Variants in SVOP observed in about 807,000 individuals in gnomAD.
The protein encoded by SVOP is synaptic vesicle 2-related protein.
In SVOP, 17 loss-of-function variants were observed where a neutral mutation model predicts 69.1. That is an observed-to-expected ratio of 0.25 (90% CI 0.17 to 0.37). The LOEUF is 0.37. SVOP is among the 10% of genes least tolerant of loss of function. The pLI is 1.00. For synonymous variants in SVOP, 238 were observed against 238.6 expected (o/e 1.00, Z 0.02); for missense variants, 435 against 597.5 (o/e 0.73, Z 2.84).
intron 1 of SVOP, among the ~76,000 whole-genome samples, chr12:108,986,618 G>T (rs2040167184): frequency 1.3e-5 from 2 of 152,068 alleles, no homozygotes; most frequent in Admixed American, 1.3e-4. Context: ...TTTAAAATAG[G>T]CAAAGGACTT....
chr12:108,927,390 A>G (rs1407379445), intron 11 of SVOP, among the ~76,000 whole-genome samples: 1 of 152,146 alleles, frequency 6.6e-6, no homozygotes, highest in Non-Finnish European at 1.5e-5. Flanking sequence ...TTAATTTTAT[A>G]TTTGTACGAG....
At chr12:109,011,810 C>G (rs116504066) in intron 1 of SVOP, among the ~76,000 whole-genome samples, 4 of 152,116 alleles carry the variant, frequency 2.6e-5, no homozygotes, top group African/African-American at 9.7e-5. Flanking sequence ...ACAACATGAA[C>G]GAACCTGGAG....
intron 6 of SVOP, among the ~76,000 whole-genome samples, chr12:108,955,093 G>T (rs2039977853): frequency 6.6e-6 from 1 of 152,222 alleles, no homozygotes. Context: ...AGAAGAAATA[G>T]AAAATGTCAC....
chr12:108,972,526 A>G, intron 4 of SVOP, 50 bp from the exon 5 acceptor site: 9 of 1,517,550 alleles, frequency 5.9e-6, no homozygotes, highest in Non-Finnish European at 7.1e-6. Flanking sequence ...GGATCATTGC[A>G]CAGAAAGGGA....
intron 7 of SVOP, among the ~76,000 whole-genome samples, chr12:108,941,163 G>T (rs1232251387): frequency 6.6e-6 from 1 of 152,168 alleles, no homozygotes; most frequent in Admixed American, 6.5e-5. Flanking sequence ...TGGCAGCTTT[G>T]GTTAAGGAGA....
At chr12:108,970,157 T>A (rs1221422184) in intron 5 of SVOP, among the ~76,000 whole-genome samples, 2 of 152,210 alleles carry the variant, frequency 1.3e-5, no homozygotes, top group African/African-American at 4.8e-5. Context: ...GGAGTCTGCA[T>A]CCTCTATGGC....
intron 6 of SVOP, among the ~76,000 whole-genome samples, chr12:108,946,012 T>A (rs2039920294): frequency 6.6e-6 from 1 of 152,224 alleles, no homozygotes; most frequent in Admixed American, 6.5e-5. Context: ...CTGTTCCCCA[T>A]AGAACCTCTA....
intron 1 of SVOP, among the ~76,000 whole-genome samples, chr12:108,994,477 T>C (rs1408310827): frequency 6.6e-6 from 1 of 152,052 alleles, no homozygotes; most frequent in Non-Finnish European, 1.5e-5. Flanking sequence ...CTGGGTGACA[T>C]GGTGAACTCT....
chr12:108,960,646 C>T (rs1347450479), intron 6 of SVOP, among the ~76,000 whole-genome samples: 2 of 152,150 alleles, frequency 1.3e-5, no homozygotes, highest in East Asian at 1.9e-4. Flanking sequence ...TGCTGCAATG[C>T]GTCCAAGTGG....
At chr12:108,918,004 A>C (rs994717758) in intron 14 of SVOP, 39 bp downstream of exon 14, 1 of 1,493,806 alleles carries the variant, frequency 6.7e-7, no homozygotes. Flanking sequence ...CTCTCCCCCC[A>C]CTGCCCGTTC....
chr12:108,947,015 C>T (rs1018979166), intron 6 of SVOP, among the ~76,000 whole-genome samples: 2 of 152,090 alleles, frequency 1.3e-5, no homozygotes, highest in African/African-American at 2.4e-5. Flanking sequence ...CCACCATGCC[C>T]GGCCTGCAAC....
chr12:108,952,458 A>G (rs936714544), intron 6 of SVOP, among the ~76,000 whole-genome samples: 1 of 151,254 alleles, frequency 6.6e-6, no homozygotes. Flanking sequence ...CTGGTCTCAA[A>G]CTCCTGGCCT....
chr12:108,954,932 A>T (rs2039976975), intron 6 of SVOP, among the ~76,000 whole-genome samples: 2 of 152,168 alleles, frequency 1.3e-5, no homozygotes, highest in Non-Finnish European at 2.9e-5. Context: ...CAGAAGGATC[A>T]CTTGAGCCTG....
chr12:108,991,572 T>C (rs1164914924), intron 1 of SVOP, among the ~76,000 whole-genome samples: 2 of 151,696 alleles, frequency 1.3e-5, no homozygotes, highest in African/African-American at 4.8e-5. Context: ...CCTCGTGCCT[T>C]GGCCTCCTGA....
intron 1 of SVOP, among the ~76,000 whole-genome samples, chr12:108,998,036 C>CA (rs1203227888): frequency 6.7e-6 from 1 of 150,136 alleles, no homozygotes; most frequent in Admixed American, 6.6e-5. Context: ...ACATTCAAAC[C>CA]AAAGGCAAAG....
intron 11 of SVOP, among the ~76,000 whole-genome samples, chr12:108,927,923 T>TGA (rs1360475831): frequency 6.7e-6 from 1 of 149,504 alleles, no homozygotes; most frequent in African/African-American, 2.5e-5. Flanking sequence ...TTTTTTTTTT[T>TGA]GAGAGAGAGT....
At chr12:108,977,100 C>T (rs1341261589) in intron 4 of SVOP, among the ~76,000 whole-genome samples, 1 of 152,182 alleles carries the variant, frequency 6.6e-6, no homozygotes, top group African/African-American at 2.4e-5. Flanking sequence ...ATTGGCACCT[C>T]CTGTTTGCAG....
intron 1 of SVOP, among the ~76,000 whole-genome samples, chr12:108,997,019 C>T (rs1383230421): frequency 3.3e-5 from 5 of 152,130 alleles, no homozygotes; most frequent in Non-Finnish European, 7.4e-5. Flanking sequence ...ACACAGAAGA[C>T]GGGTGATTTC....
intron 1 of SVOP, among the ~76,000 whole-genome samples, chr12:109,003,698 C>A (rs1310367513): frequency 6.6e-6 from 1 of 152,214 alleles, no homozygotes; most frequent in African/African-American, 2.4e-5. Context: ...CCCTCCAACT[C>A]CTGGGCTCAA....
Sources: allele counts gnomAD v4.1 joint callset (sites outside exome capture counted in the v4.1 genomes callset), GRCh38; gene constraint gnomAD v4.1.1; transcripts MANE v1.5; gene names NCBI Gene and HGNC (gene_info 2026-07-23, HGNC 2026-07-21).